The following PKHD1 variants were observed in gnomAD, a reference collection of about 807,000 sequenced individuals.
PKHD1 encodes the protein fibrocystin.
PKHD1 carries 291 observed loss-of-function variants against 412.0 expected under a neutral mutation model. The ratio of observed to expected loss-of-function variants is 0.71; its 90% confidence interval spans 0.64 to 0.78. The LOEUF (loss-of-function observed/expected upper bound fraction) is 0.78, where lower values mean the gene tolerates loss of function less well. Ranked by LOEUF, PKHD1 falls within the 30% of genes least tolerant of loss-of-function variation. The probability of loss-of-function intolerance (pLI) is 0.00; values close to 1 mark genes in which losing one functional copy is unlikely to be tolerated. For missense variants in PKHD1, 4,825 were observed against 4,950.7 expected, an observed-to-expected ratio of 0.97 and a Z score of 0.76; for synonymous variants, 1,777 against 1,821.5, an observed-to-expected ratio of 0.98 and a Z score of 0.62.
intron 61 of PKHD1, among the ~76,000 whole-genome samples, chr6:51,654,608 A>C (rs950823784): frequency 3.3e-5 from 5 of 151,524 alleles, no homozygotes; most frequent in African/African-American, 1.2e-4. Flanking sequence ...CAGCAACAAT[A>C]GATTACAATT....
intron 5 of PKHD1, 103 bp downstream of exon 5, chr6:52,079,796 AC>A: frequency 3.8e-6 from 3 of 781,492 alleles, no homozygotes; most frequent in Non-Finnish European, 7.1e-6. Context: ...TTTTCTTTTA[AC>A]CCGGTCAAGC....
At chr6:51,728,225 CT>C (rs1782818440) in intron 60 of PKHD1, among the ~76,000 whole-genome samples, 1 of 152,138 alleles carries the variant, frequency 6.6e-6, no homozygotes, top group Non-Finnish European at 1.5e-5. Context: ...TGATGAGTGA[CT>C]ACAAAATTGA....
chr6:51,656,884 G>C (rs1387844816), intron 61 of PKHD1, among the ~76,000 whole-genome samples: 1 of 151,752 alleles, frequency 6.6e-6, no homozygotes. Flanking sequence ...TCAAACTCCT[G>C]CGCTCAAGCT....
At chr6:51,872,862 C>T (rs1035482915) in intron 46 of PKHD1, among the ~76,000 whole-genome samples, 4 of 147,444 alleles carry the variant, frequency 2.7e-5, no homozygotes, top group African/African-American at 5.0e-5. Flanking sequence ...GAACTTTCAC[C>T]TTCCATCGTT....
At chr6:51,978,528 T>A (rs1370734644) in intron 35 of PKHD1, among the ~76,000 whole-genome samples, 1 of 152,146 alleles carries the variant, frequency 6.6e-6, no homozygotes, top group Non-Finnish European at 1.5e-5. Flanking sequence ...CTCAGTTACA[T>A]GCTAAAAGGG....
intron 52 of PKHD1, among the ~76,000 whole-genome samples, chr6:51,795,153 C>T (rs1246035383): frequency 6.6e-6 from 1 of 152,094 alleles, no homozygotes; most frequent in African/African-American, 2.4e-5. Flanking sequence ...TCTTCCTATC[C>T]ATGAGCATGG....
rs542665344 is a variant in PKHD1, at chr6:51,943,864, G to A, written c.5909-9542C>T. 3.4e-4 allele frequency among the ~76,000 whole-genome samples: 51 copies of A among 151,438 alleles called. 1 individual carries two copies. Among genetic ancestry groups the A allele is most frequent in the Non-Finnish European group, 5.8e-4 (39 of 67,702 alleles). On this transcript the variant is annotated intron_variant, in intron 36 of 66. Coordinates refer to ENST00000371117, the MANE Select transcript of PKHD1 (RefSeq NM_138694.4). ...TTCCATGCCGCCCCTAATCCCGCTCGAAGCAGCCCTGAGAAACATCGCCCA... is the reference window on the plus strand; with the variant it reads ...TTCCATGCCGCCCCTAATCCCGCTCAAAGCAGCCCTGAGAAACATCGCCCA...
At chr6:51,805,921 C>T (rs927598821) in intron 52 of PKHD1, among the ~76,000 whole-genome samples, 1 of 152,098 alleles carries the variant, frequency 6.6e-6, no homozygotes, top group African/African-American at 2.4e-5. Flanking sequence ...CAAGTCTTTG[C>T]TATTGTGAAT....
At chr6:51,919,388 C>T (rs1784333053) in intron 37 of PKHD1, among the ~76,000 whole-genome samples, 1 of 152,188 alleles carries the variant, frequency 6.6e-6, no homozygotes, top group Non-Finnish European at 1.5e-5. Flanking sequence ...AATAGGGAAT[C>T]CTTTCCCCAT....
intron 60 of PKHD1, among the ~76,000 whole-genome samples, chr6:51,720,320 C>T (rs1781750925): frequency 6.6e-6 from 1 of 152,118 alleles, no homozygotes; most frequent in Non-Finnish European, 1.5e-5. Context: ...AGGAAAATCT[C>T]ATTTTCTTCA....
chr6:51,674,751 C>T (rs114024525), intron 60 of PKHD1, among the ~76,000 whole-genome samples: 1 of 152,262 alleles, frequency 6.6e-6, no homozygotes, highest in East Asian at 1.9e-4. Context: ...TATTGACAGG[C>T]ACACATGGAA....
intron 5 of PKHD1, among the ~76,000 whole-genome samples, chr6:52,077,602 G>A (rs990858812): frequency 6.6e-6 from 1 of 152,194 alleles, no homozygotes; most frequent in Non-Finnish European, 1.5e-5. Context: ...TAATCAGATT[G>A]AGAATCAACA....
chr6:51,795,216 A>T (rs6910593), intron 52 of PKHD1, among the ~76,000 whole-genome samples: 89,812 of 151,922 alleles, frequency 0.59, 27,212 homozygotes, highest in East Asian at 0.83. Context: ...CAGTGGTTTG[A>T]AGTTCTCCTT....
At position 51,649,131 on chromosome 6, in the gene PKHD1, C is replaced by T. The variant is rs750771172; in HGVS notation, c.11264G>A (p.Gly3755Glu). 43 of 1,613,762 alleles carry T rather than the reference C, an allele frequency of 2.7e-5. No individual in the cohort carries two copies. Among genetic ancestry groups the T allele is most frequent in the Non-Finnish European group, 3.6e-5 (42 of 1,179,726 alleles). Reference sequence around the variant, plus strand: ...TTGTGGCTGCACTGGAAGCTCATTTCCCACTTCTCCATCTGAAGGCTGGAC... The same window carrying T: ...TTGTGGCTGCACTGGAAGCTCATTTTCCACTTCTCCATCTGAAGGCTGGAC... ...ILVQPSDGEV[G>E]NELPVQPQLV... Residue 3755 changes from glycine (G) to glutamate (E), a missense_variant, in exon 62 of 67, where the codon GGA becomes GAA. By Grantham distance (98) the Gly-to-Glu change is moderately conservative. Coordinates refer to ENST00000371117, the MANE Select transcript of PKHD1 (RefSeq NM_138694.4).
chr6:51,676,157 C>T (rs781707102), intron 60 of PKHD1, among the ~76,000 whole-genome samples: 5 of 147,018 alleles, frequency 3.4e-5, no homozygotes, highest in Non-Finnish European at 7.4e-5. Context: ...TCCTTCCTGT[C>T]GTGAAATGAG....
At chr6:51,660,925 G>C (rs1463690308) in intron 60 of PKHD1, among the ~76,000 whole-genome samples, 1 of 152,128 alleles carries the variant, frequency 6.6e-6, no homozygotes, top group Non-Finnish European at 1.5e-5. Flanking sequence ...CCCCTGAAAT[G>C]GGGATGGTGA....
intron 55 of PKHD1, among the ~76,000 whole-genome samples, chr6:51,766,723 A>C (rs906806343): frequency 5.9e-5 from 9 of 151,354 alleles, no homozygotes; most frequent in African/African-American, 2.2e-4. Flanking sequence ...TTATACTTTA[A>C]GTTTTAGGGT....
intron 66 of PKHD1, 84 bp downstream of exon 66, chr6:51,626,913 A>C: frequency 6.8e-7 from 1 of 1,465,034 alleles, no homozygotes; most frequent in Non-Finnish European, 9.6e-7. Context: ...AAATTGCTTC[A>C]GAGACAGAGC....
chr6:51,783,638 T>C (rs149617899), intron 53 of PKHD1, among the ~76,000 whole-genome samples: 44 of 152,092 alleles, frequency 2.9e-4, no homozygotes, highest in Non-Finnish European at 4.7e-4. Flanking sequence ...AGAGGAGACA[T>C]TGATGAAAGG....
Sources: gnomAD v4.1 joint callset for allele counts (sites outside exome capture counted in the v4.1 genomes callset) on GRCh38, gnomAD v4.1.1 for gene constraint, MANE v1.5 for transcripts, NCBI Gene and HGNC (gene_info 2026-07-23, HGNC 2026-07-21) for gene names.